The following RALGAPA2 variants were observed in gnomAD, a reference collection of about 807,000 sequenced individuals.
RALGAPA2 encodes the protein ral GTPase-activating protein subunit alpha-2.
Under a neutral mutation model 230.4 loss-of-function variants are expected in RALGAPA2, and 139 were observed. The observed-to-expected ratio is 0.60, with a 90% CI of 0.53 to 0.69. RALGAPA2 has a LOEUF of 0.69. Ranked by LOEUF, RALGAPA2 falls within the 30% of genes least tolerant of loss-of-function variation. The pLI is 0.00. For missense variants in RALGAPA2, 2,163 were observed against 2,276.0 expected, an observed-to-expected ratio of 0.95 and a Z score of 1.01; for synonymous variants, 847 against 837.8, an observed-to-expected ratio of 1.01 and a Z score of -0.19.
intron 36 of RALGAPA2, among the ~76,000 whole-genome samples, chr20:20,481,226 C>T (rs749264640): frequency 6.6e-6 from 1 of 152,086 alleles, no homozygotes; most frequent in Non-Finnish European, 1.5e-5. Context: ...GGAGCAAAGA[C>T]AAAAAAGAAT....
intron 1 of RALGAPA2, among the ~76,000 whole-genome samples, chr20:20,705,791 C>T (rs944241851): frequency 2.0e-5 from 3 of 152,132 alleles, no homozygotes; most frequent in Non-Finnish European, 4.4e-5. Context: ...GCCTCAGCCT[C>T]CCGAGCAGCT....
chr20:20,608,141 T>C (rs1385704037), intron 14 of RALGAPA2, among the ~76,000 whole-genome samples: 1 of 152,174 alleles, frequency 6.6e-6, no homozygotes, highest in Non-Finnish European at 1.5e-5. Flanking sequence ...AATTTGATGT[T>C]TTATCAGATA....
intron 35 of RALGAPA2, among the ~76,000 whole-genome samples, chr20:20,496,262 G>A (rs1314791781): frequency 6.6e-6 from 1 of 152,166 alleles, no homozygotes; most frequent in African/African-American, 2.4e-5. Context: ...CCCCTTGAGA[G>A]TTCTTTCAGG....
chr20:20,693,197 G>C (rs1469802593), intron 1 of RALGAPA2, among the ~76,000 whole-genome samples: 1 of 152,144 alleles, frequency 6.6e-6, no homozygotes, highest in East Asian at 1.9e-4. Context: ...TCTGTATAAA[G>C]ATATAGTCCA....
At position 20,524,449 on chromosome 20, in the gene RALGAPA2, T is replaced by A. The variant is rs1402936088; in HGVS notation, c.3857A>T (p.Glu1286Val). ...CAAGGGGGCTCTGGCCGAATGCTGC[T>A]CCTCTAGGACTGCTGTGGACACGGG... ...LHPVSTAVLE[E>V]QHSARAPLLD... The change falls in exon 30 of 40, where the codon GAG (glutamate) becomes GTG (valine). Residue 1286 changes from glutamate to valine, a missense_variant. Coordinates refer to ENST00000202677, the MANE Select transcript of RALGAPA2 (RefSeq NM_020343.4). 4.3e-6 allele frequency: 7 copies of A among 1,613,686 alleles called. No homozygotes were observed. Among genetic ancestry groups the A allele is most frequent in the Non-Finnish European group, 5.1e-6 (6 of 1,179,848 alleles).
At chr20:20,523,795 T>A (rs534018945) in intron 30 of RALGAPA2, among the ~76,000 whole-genome samples, 1 of 152,320 alleles carries the variant, frequency 6.6e-6, no homozygotes, top group South Asian at 2.1e-4. Context: ...ATATGAACAG[T>A]TCTTTAAGTA....
intron 3 of RALGAPA2, among the ~76,000 whole-genome samples, chr20:20,672,680 T>C (rs1412257262): frequency 3.3e-5 from 5 of 152,194 alleles, no homozygotes; most frequent in South Asian, 4.1e-4. Flanking sequence ...ACAGAGAGGA[T>C]AGATCAACAA....
intron 31 of RALGAPA2, 46 bp from the exon 32 acceptor site, chr20:20,513,330 G>A (rs1020932236): frequency 9.6e-6 from 10 of 1,041,546 alleles, no homozygotes; most frequent in Admixed American, 3.4e-5. Flanking sequence ...GGTGAATGAA[G>A]ATTAAAACTC....
At chr20:20,394,478 A>G (rs1446783584) in intron 39 of RALGAPA2, among the ~76,000 whole-genome samples, 1 of 152,158 alleles carries the variant, frequency 6.6e-6, no homozygotes, top group African/African-American at 2.4e-5. Context: ...TCTCTACAAA[A>G]ACATTGCAAA....
chr20:20,481,844 G>A (rs891307040), intron 36 of RALGAPA2, among the ~76,000 whole-genome samples: 5 of 152,132 alleles, frequency 3.3e-5, no homozygotes, highest in African/African-American at 7.2e-5. Flanking sequence ...TGGAGCACAA[G>A]GGCAGTGTTG....
intron 37 of RALGAPA2, among the ~76,000 whole-genome samples, chr20:20,450,117 A>G (rs1160685779): frequency 1.3e-5 from 2 of 152,236 alleles, no homozygotes; most frequent in African/African-American, 4.8e-5. Flanking sequence ...AATGGATTCC[A>G]CATATACAAA....
intron 20 of RALGAPA2, among the ~76,000 whole-genome samples, chr20:20,573,976 A>G (rs2064738475): frequency 6.6e-6 from 1 of 152,226 alleles, no homozygotes. Context: ...GGGTCCGGTC[A>G]TAAGTGTATG....
intron 31 of RALGAPA2, among the ~76,000 whole-genome samples, chr20:20,517,239 A>T (rs2062900766): frequency 6.6e-6 from 1 of 152,192 alleles, no homozygotes; most frequent in Non-Finnish European, 1.5e-5. Context: ...ATCCCTACAG[A>T]TGAAAAGAGG....
chr20:20,643,685 G>A, intron 4 of RALGAPA2, 136 bp from the exon 5 acceptor site: 2 of 801,918 alleles, frequency 2.5e-6, no homozygotes, highest in Non-Finnish European at 1.8e-6. Context: ...CAGAAGCAAA[G>A]CAATGTCACA....
At chr20:20,563,174 C>G (rs886936384) in intron 23 of RALGAPA2, among the ~76,000 whole-genome samples, 2 of 152,214 alleles carry the variant, frequency 1.3e-5, no homozygotes, top group Non-Finnish European at 2.9e-5. Flanking sequence ...ATCCTTCAAT[C>G]AAACCTAAGT....
At chr20:20,425,669 G>C (rs1435563980) in intron 37 of RALGAPA2, among the ~76,000 whole-genome samples, 1 of 152,174 alleles carries the variant, frequency 6.6e-6, no homozygotes, top group Non-Finnish European at 1.5e-5. Flanking sequence ...GATTCAGACT[G>C]CTTGAGTGGT....
intron 9 of RALGAPA2, among the ~76,000 whole-genome samples, chr20:20,634,258 G>C (rs944582918): frequency 6.6e-6 from 1 of 151,352 alleles, no homozygotes; most frequent in Non-Finnish European, 1.5e-5. Context: ...CTTAGATCTT[G>C]TCTACTAATT....
At chr20:20,470,706 T>A (rs2061520267) in intron 37 of RALGAPA2, among the ~76,000 whole-genome samples, 1 of 152,240 alleles carries the variant, frequency 6.6e-6, no homozygotes, top group Non-Finnish European at 1.5e-5. Context: ...AAGGTTTTCC[T>A]ATTTGTCTGC....
intron 33 of RALGAPA2, among the ~76,000 whole-genome samples, chr20:20,509,964 A>G (rs1416688413): frequency 6.6e-6 from 1 of 152,226 alleles, no homozygotes; most frequent in African/African-American, 2.4e-5. Flanking sequence ...AATTCAAAAC[A>G]CCAAAGAAGA....
Sources: gnomAD v4.1 joint callset for allele counts (sites outside exome capture counted in the v4.1 genomes callset) on GRCh38, gnomAD v4.1.1 for gene constraint, MANE v1.5 for transcripts, NCBI Gene and HGNC (gene_info 2026-07-23, HGNC 2026-07-21) for gene names.